PRKCZ: variants seen among roughly 807,000 people sequenced by gnomAD.
PRKCZ encodes protein kinase C zeta type.
Under a neutral mutation model 79.5 loss-of-function variants are expected in PRKCZ, and 33 were observed. The ratio of observed to expected loss-of-function variants is 0.41; its 90% CI spans 0.31 to 0.55. The LOEUF (loss-of-function observed/expected upper bound fraction) is 0.55, where lower values mean the gene tolerates loss of function less well. Among genes scored for constraint, PRKCZ ranks in the 20% least tolerant of loss-of-function variants. PRKCZ has a pLI of 0.19. For synonymous variants in PRKCZ, 342 were observed against 320.9 expected (o/e 1.07, Z -0.70); for missense variants, 578 against 813.5 (o/e 0.71, Z 3.52).
rs544519502 is a variant in PRKCZ at position 2,180,348 on chromosome 1, C to T, written c.1576-4235C>T. On this transcript the variant is annotated intron_variant, in intron 16 of 17. Coordinates refer to ENST00000378567, the MANE Select transcript of PRKCZ (RefSeq NM_002744.6). The stretch of plus-strand genomic sequence containing the variant: ...CAACTCAGATGCACAGACGCCCGGA[C>T]GACGTGGACACCCAGACGATGTGGA... 3.3e-5 allele frequency among the ~76,000 whole-genome samples: 5 copies of T among 152,276 alleles called. No individual in the cohort carries two copies. In the South Asian group the frequency reaches 8.3e-4, roughly 25 times the overall value.
intron 9 of PRKCZ, among the ~76,000 whole-genome samples, chr1:2,152,572 C>T (rs922200086): frequency 2.0e-5 from 3 of 152,306 alleles, no homozygotes; most frequent in South Asian, 2.1e-4. Context: ...TACAGTTAGG[C>T]GGCTTTTAGC....
intron 4 of PRKCZ, among the ~76,000 whole-genome samples, chr1:2,059,973 G>A (rs1045574257): frequency 1.1e-4 from 16 of 152,196 alleles, no homozygotes; most frequent in Non-Finnish European, 2.4e-4. Flanking sequence ...AGCTGGTGTG[G>A]GGGCTCCGTT....
rs992608915 is a variant in PRKCZ, at chr1:2,059,736, G to A, written c.334+145G>A. 3.8e-6 allele frequency: 4 copies of A among 1,048,214 alleles called. No homozygotes were observed. In the African/African-American group the frequency reaches 6.4e-5, roughly 17 times the overall value. 64.9% of individuals were successfully genotyped at this position (1,048,214 alleles called of 1,614,324 possible). Reference sequence around the variant, plus strand: ...GCAGGAGCAGCCGTGGTGACCGCAGGTGGGGTTTTCACTGCAGCTGCTGCC... The same window carrying A: ...GCAGGAGCAGCCGTGGTGACCGCAGATGGGGTTTTCACTGCAGCTGCTGCC... On this transcript the variant is annotated intron_variant, in intron 4 of 17. Transcript: ENST00000378567.
Position 2,059,546 on chromosome 1 carries a change from C to G in PRKCZ, c.289C>G (p.Pro97Ala). 2 of 1,614,206 alleles carry G rather than the reference C, an allele frequency of 1.2e-6. No individual in the cohort carries two copies. The highest frequency in any genetic ancestry group is 1.6e-4 in the Middle Eastern group (1 of 6,062). Residue 97 changes from proline (P) to alanine (A), a missense_variant, in exon 4 of 18, where the codon CCG (proline) becomes GCG (alanine). Around this residue, in one of 4 missense-constraint regions of PRKCZ, gnomAD observed 228 missense variants for 211.6 expected, o/e 1.08. Transcript: ENST00000378567. Reference sequence around the variant, plus strand: ...TCTTTCTCTCTCTTGTCCAGTTTTCCCGAGCACCCCTGAGCAGCCTGGCCT... The same window carrying G: ...TCTTTCTCTCTCTTGTCCAGTTTTCGCGAGCACCCCTGAGCAGCCTGGCCT... The part of the protein sequence containing the change: ...RDEGLIIHVF[P>A]STPEQPGLPC...
chr1:2,074,974 G>C (rs1037442857), intron 4 of PRKCZ: 1 of 152,120 alleles, frequency 6.6e-6, no homozygotes, highest in Non-Finnish European at 1.5e-5. Flanking sequence ...TGGGCTGCTG[G>C]GGGAGGCGGC....
rs192014996 is a variant in PRKCZ at position 2,159,124 on chromosome 1, C to T, written c.974+3032C>T. Among the ~76,000 whole-genome samples the T allele has an allele frequency of 9.0e-3, 1,372 of 152,218 alleles. 11 individuals are homozygous for T. The highest frequency in any genetic ancestry group is 0.021 in the South Asian group (101 of 4,822). ...GTATTTTTAGTAGAAACGGGGTGAG[C>T]TCCGGGTTGGGGGGAGGACCGGCAG... On this transcript the variant is annotated intron_variant, in intron 10 of 17. Transcript: ENST00000378567.
chr1:2,144,389 G>C (rs1405772844), intron 6 of PRKCZ, 48 bp downstream of exon 6: 4 of 1,542,218 alleles, frequency 2.6e-6, no homozygotes, highest in Non-Finnish European at 3.5e-6. Context: ...CGGGGTCGGG[G>C]CGTGGCAGCC....
intron 10 of PRKCZ, 27 bp downstream of exon 10, chr1:2,156,119 A>C (rs1239347363): frequency 6.4e-7 from 1 of 1,573,990 alleles, no homozygotes; most frequent in South Asian, 1.1e-5. Context: ...TATTTCTGAT[A>C]TTCTGCAGAT....
chr1:2,120,565 G>A (rs968548487), intron 4 of PRKCZ, among the ~76,000 whole-genome samples: 2 of 151,704 alleles, frequency 1.3e-5, no homozygotes, highest in Non-Finnish European at 2.9e-5. Context: ...CAAAGTGCTG[G>A]GATTACAGGT....
At chr1:2,101,853 G>A (rs1380912092) in intron 4 of PRKCZ, among the ~76,000 whole-genome samples, 1 of 152,190 alleles carries the variant, frequency 6.6e-6, no homozygotes, top group Non-Finnish European at 1.5e-5. Flanking sequence ...AAGGATACAC[G>A]GCAGAGATAC....
intron 4 of PRKCZ, among the ~76,000 whole-genome samples, chr1:2,113,618 CTG>C (rs1445308458): frequency 6.6e-6 from 1 of 152,214 alleles, no homozygotes; most frequent in Non-Finnish European, 1.5e-5. Flanking sequence ...GCCTGCCTGT[CTG>C]TGTCCCAGTT....
chr1:2,116,432 C>T (rs1412010381), intron 4 of PRKCZ: 1 of 152,148 alleles, frequency 6.6e-6, no homozygotes, highest in Admixed American at 6.6e-5. Context: ...GGGGGTCCGT[C>T]TTTTTTGTTG....
intron 4 of PRKCZ, among the ~76,000 whole-genome samples, chr1:2,099,779 T>C (rs1667145439): frequency 6.6e-6 from 1 of 152,206 alleles, no homozygotes; most frequent in African/African-American, 2.4e-5. Flanking sequence ...TAGTGAGGCC[T>C]GGGTGTGACC....
At chr1:2,072,730 C>T (rs1000900472) in intron 4 of PRKCZ, among the ~76,000 whole-genome samples, 8 of 152,220 alleles carry the variant, frequency 5.3e-5, no homozygotes, top group South Asian at 4.1e-4. Flanking sequence ...CTCTCGGGGC[C>T]GTCCCTCCAG....
rs1008266600 is a variant in PRKCZ, at chr1:2,174,676, CTCAGAG to C, written c.1406-69_1406-64del. The C allele has an allele frequency of 4.9e-5, 71 of 1,462,276 alleles. No homozygotes were observed. In the African/African-American group the frequency reaches 6.5e-4, roughly 13 times the overall value. 90.6% of individuals were successfully genotyped at this position (1,462,276 alleles called of 1,614,324 possible). ...CAAGGCTGAGCTCCCAAAGCTCTTG[CTCAGAG>C]TCAGAGTCTGGGCGGCACTGGGCAA... On this transcript the variant is annotated intron_variant, in intron 14 of 17. Coordinates refer to ENST00000378567, the MANE Select transcript of PRKCZ (RefSeq NM_002744.6). The surrounding 1 kb of genome is among the most constrained non-coding windows in gnomAD (Gnocchi z 6.2).
chr1:2,169,351 C>T (rs946840835), intron 10 of PRKCZ, 167 bp from the exon 11 acceptor site: 5 of 690,888 alleles, frequency 7.2e-6, no homozygotes, highest in African/African-American at 1.8e-5. Context: ...AGCCCGTCCC[C>T]ACCAGCCCCT....
chr1:2,066,701 T>C (rs934985820), intron 4 of PRKCZ, among the ~76,000 whole-genome samples: 2 of 152,214 alleles, frequency 1.3e-5, no homozygotes, highest in African/African-American at 4.8e-5. Context: ...CTTTTTCTGG[T>C]TCCTTGAAGT....
intron 4 of PRKCZ, among the ~76,000 whole-genome samples, chr1:2,069,475 T>C (rs558464278): frequency 1.3e-5 from 2 of 152,364 alleles, no homozygotes; most frequent in African/African-American, 4.8e-5. Context: ...GTGGTGCCTT[T>C]TCTTTACCTG....
chr1:2,134,355 C>G (rs1675716646), intron 4 of PRKCZ, among the ~76,000 whole-genome samples: 1 of 152,216 alleles, frequency 6.6e-6, no homozygotes, highest in Non-Finnish European at 1.5e-5. Flanking sequence ...ATTTGTGGCA[C>G]TTTCATTTGG....
Sources: allele counts gnomAD v4.1 joint callset (sites outside exome capture counted in the v4.1 genomes callset), GRCh38; gene constraint gnomAD v4.1.1; regional missense constraint gnomAD v4.1.1; non-coding constraint Gnocchi (gnomAD v3.1); transcripts MANE v1.5; gene names NCBI Gene and HGNC (gene_info 2026-07-23, HGNC 2026-07-21).